Variants in MAP3K8 observed in about 807,000 individuals in gnomAD.
MAP3K8 encodes Ewing sarcoma transformant.
MAP3K8 carries 22 observed loss-of-function variants against 45.8 expected under a neutral mutation model. The observed-to-expected ratio is 0.48, with a 90% CI of 0.34 to 0.69. The LOEUF is 0.69. Ranked by LOEUF, MAP3K8 falls within the 30% of genes least tolerant of loss-of-function variation. The probability of loss-of-function intolerance (pLI) is 0.01; values close to 1 mark genes in which losing one functional copy is unlikely to be tolerated. For synonymous variants in MAP3K8, 223 were observed against 214.3 expected, an observed-to-expected ratio of 1.04 and a Z score of -0.36; for missense variants, 419 against 585.0, an observed-to-expected ratio of 0.72 and a Z score of 2.93.
At chr10:30,450,231 A>G in intron 4 of MAP3K8, 27 bp from the exon 5 acceptor site, 3 of 1,555,602 alleles carry the variant, frequency 1.9e-6, no homozygotes, top group Non-Finnish European at 2.6e-6. Context: ...GGTTATTTAG[A>G]ATCTCGCTTG....
chr10:30,453,019 C>T (rs1836605340), intron 6 of MAP3K8, among the ~76,000 whole-genome samples: 1 of 152,092 alleles, frequency 6.6e-6, no homozygotes, highest in African/African-American at 2.4e-5. Flanking sequence ...TTAGAGTTAA[C>T]TTTATAATAA....
At chr10:30,434,702 G>A in intron 1 of MAP3K8, 9 of 985,558 alleles carry the variant, frequency 9.1e-6, no homozygotes, top group Non-Finnish European at 9.6e-6. Flanking sequence ...TGCGCCTCCC[G>A]CTGCCGACGC....
At chr10:30,436,698 T>TA (rs1205873521) in intron 1 of MAP3K8, among the ~76,000 whole-genome samples, 16,163 of 141,840 alleles carry the variant, frequency 0.11, 1,048 homozygotes, top group Middle Eastern at 0.19. Context: ...ACTACTACTA[T>TA]AAAAAAAAAA....
intron 1 of MAP3K8, among the ~76,000 whole-genome samples, chr10:30,435,118 A>G (rs1334701212): frequency 6.6e-6 from 1 of 152,244 alleles, no homozygotes; most frequent in Non-Finnish European, 1.5e-5. Flanking sequence ...CATAGTTAAC[A>G]GGGGAAGGCC....
chr10:30,434,559 G>A lies in MAP3K8; in HGVS notation c.-255+181G>A. ...TCGCCGGCTGCACCAGGCACAGCTG[G>A]AAAGCACCTTGCGCAAGGGTCTCAC... On this transcript the variant is annotated intron_variant, in intron 1 of 8. Transcript: ENST00000263056. The A allele has an allele frequency of 4.1e-6, 4 of 985,720 alleles. No individual in the cohort carries two copies. The South Asian group carries it at 1.4e-4, about 35-fold the overall frequency. The allele number at this position is 985,720 out of a possible 1,614,324, so 61.1% of individuals were successfully genotyped here. A position where few individuals can be genotyped will look rare whatever the true frequency, so the allele number is the denominator to read the frequency against.
intron 3 of MAP3K8, among the ~76,000 whole-genome samples, chr10:30,441,157 A>T (rs1836090778): frequency 6.7e-6 from 1 of 148,806 alleles, no homozygotes; most frequent in African/African-American, 2.5e-5. Flanking sequence ...ATTAAGGAGA[A>T]TTCTTTTTTT....
intron 1 of MAP3K8, among the ~76,000 whole-genome samples, chr10:30,435,351 G>A (rs1470871359): frequency 6.6e-6 from 1 of 152,162 alleles, no homozygotes; most frequent in Admixed American, 6.5e-5. Flanking sequence ...AGGACGTCTG[G>A]CATACGGCCC....
intron 4 of MAP3K8, 99 bp from the exon 5 acceptor site, chr10:30,450,159 G>A (rs2132812806): frequency 2.7e-6 from 3 of 1,106,372 alleles, no homozygotes; most frequent in East Asian, 2.5e-5. Flanking sequence ...ATTCTTGAGG[G>A]CATTTATTTG....
chr10:30,455,745 C>T (rs955053206), intron 6 of MAP3K8, among the ~76,000 whole-genome samples: 3 of 152,192 alleles, frequency 2.0e-5, no homozygotes, highest in Non-Finnish European at 4.4e-5. Flanking sequence ...AGGGTTCGAT[C>T]GCTGACATCA....
chr10:30,442,564 G>A (rs971561218), intron 3 of MAP3K8, among the ~76,000 whole-genome samples: 6 of 152,218 alleles, frequency 3.9e-5, no homozygotes, highest in African/African-American at 1.4e-4. Flanking sequence ...AATAATATTT[G>A]TTAAAGATCC....
rs1434071429 is a variant in MAP3K8, at chr10:30,450,347, G to A, written c.594G>A (p.Leu198=). 1 of 1,614,176 alleles carries A rather than the reference G, an allele frequency of 6.2e-7. No homozygotes were observed. Among genetic ancestry groups the A allele is most frequent in the South Asian group, 1.1e-5 (1 of 91,074 alleles). ...ENIAELYGAV[L]WGETVHLFME... is the part of the protein sequence containing the mutation. ...TCGCAGAGCTGTATGGCGCAGTCCT[G>A]TGGGGTGAAACTGTCCATCTCTTTA... The change falls in exon 5 of 9, where the codon CTG becomes CTA. Residue 198 remains leucine, a synonymous_variant. Transcript: ENST00000263056.
intron 4 of MAP3K8, 128 bp from the exon 5 acceptor site, chr10:30,450,130 T>G: frequency 1.2e-6 from 1 of 810,664 alleles, no homozygotes; most frequent in Non-Finnish European, 1.9e-6. Context: ...GGGCAGTCCA[T>G]TTTCACACAG....
At chr10:30,436,076 T>C (rs1835900517) in intron 1 of MAP3K8, among the ~76,000 whole-genome samples, 1 of 152,236 alleles carries the variant, frequency 6.6e-6, no homozygotes, top group South Asian at 2.1e-4. Context: ...TGACTGTATT[T>C]GCACATCTCT....
chr10:30,444,261 C>T (rs947879132), intron 3 of MAP3K8, among the ~76,000 whole-genome samples: 1 of 151,228 alleles, frequency 6.6e-6, no homozygotes, highest in Admixed American at 6.6e-5. Context: ...ATACAGGGTT[C>T]GAGACCAGCC....
intron 4 of MAP3K8, among the ~76,000 whole-genome samples, chr10:30,449,472 T>C (rs1315904840): frequency 6.6e-6 from 1 of 152,354 alleles, no homozygotes; most frequent in African/African-American, 2.4e-5. Flanking sequence ...TGATAATTCA[T>C]TGAGTTGGAC....
At chr10:30,440,317 C>G (rs533633129) in intron 3 of MAP3K8, among the ~76,000 whole-genome samples, 4 of 152,156 alleles carry the variant, frequency 2.6e-5, no homozygotes, top group Non-Finnish European at 5.9e-5. Context: ...ATGAAAGTGA[C>G]GCCCTTTCTT....
chr10:30,450,780 G>A (rs1206482582), intron 5 of MAP3K8: 6 of 404,518 alleles, frequency 1.5e-5, no homozygotes, highest in Non-Finnish European at 2.2e-5. Flanking sequence ...TGTTAAAAAG[G>A]CTTTTAAAAT....
intron 8 of MAP3K8, 31 bp from the exon 9 acceptor site, chr10:30,460,675 G>T (rs1424050410): frequency 6.3e-7 from 1 of 1,578,338 alleles, no homozygotes; most frequent in South Asian, 1.1e-5. Context: ...ACGTTTTCTT[G>T]TTACTTACTT....
intron 8 of MAP3K8, 70 bp from the exon 9 acceptor site, chr10:30,460,636 G>A (rs1836903513): frequency 7.6e-7 from 1 of 1,314,838 alleles, no homozygotes; most frequent in Admixed American, 2.2e-5. Flanking sequence ...TTATTTCACT[G>A]CAGAAGGAAC....
Sources: gnomAD v4.1 joint callset for allele counts (sites outside exome capture counted in the v4.1 genomes callset) on GRCh38, gnomAD v4.1.1 for gene constraint, MANE v1.5 for transcripts, NCBI Gene and HGNC (gene_info 2026-07-23, HGNC 2026-07-21) for gene names.